The following RNF128 variants were observed in gnomAD, a reference collection of about 807,000 sequenced individuals.
RNF128 encodes E3 ubiquitin-protein ligase RNF128.
A neutral mutation model predicts 26.2 loss-of-function variants in RNF128; 13 were observed. The ratio of observed to expected loss-of-function variants is 0.50; its 90% CI spans 0.32 to 0.79. RNF128 has a LOEUF of 0.79. Among genes scored for constraint, RNF128 ranks in the 30% least tolerant of loss-of-function variants. The probability of loss-of-function intolerance (pLI) is 0.03; values close to 1 mark genes in which losing one functional copy is unlikely to be tolerated. For missense variants in RNF128, 315 were observed against 349.7 expected (o/e 0.90, Z 0.79); for synonymous variants, 149 against 142.5 (o/e 1.05, Z -0.32).
At chrX:106,694,294 G>C in exon 1 of RNF128, 2 of 1,210,196 alleles carry the variant, frequency 1.7e-6, no homozygotes, top group Non-Finnish European at 2.2e-6. Context: ...GATAGAAAGA[G>C]GTAATTGTAC....
Position 106,776,475 on chromosome X carries a change from G to A in RNF128, c.732+3315G>A, listed in dbSNP as rs1187105302. ...CTTCCAAGAGGAGGGAAAAGAATGG[G>A]AATCCACTTGCAAAGGTCATAAAGC... On this transcript the variant is annotated intron_variant, in intron 2 of 6. Transcript: ENST00000255499. Among the ~76,000 whole-genome samples the A allele has an allele frequency of 8.9e-5, 10 of 112,009 alleles. No individual in the cohort carries two copies. In the Admixed American group the frequency reaches 9.5e-4, roughly 11 times the overall value.
intron 1 of RNF128, among the ~76,000 whole-genome samples, chrX:106,759,325 C>T (rs1176010416): frequency 9.0e-6 from 1 of 111,643 alleles, no homozygotes. Flanking sequence ...CCCTTGTACA[C>T]TGTTGGTTGG....
In RNF128 at chrX:106,769,546, GT is replaced by G. The variant is rs752900867; in HGVS notation, c.485-3349del. The stretch of plus-strand genomic sequence containing the variant: ...AGACTAGGATTGCTACACCTGCTTT[GT>G]TTTTTTTTTTTTTTTTTGCTTTCCA... On this transcript the variant is annotated intron_variant, in intron 1 of 6. Transcript: ENST00000255499. Among the ~76,000 whole-genome samples the G allele has an allele frequency of 8.4e-3, 546 of 65,070 alleles. 5 individuals are homozygous for G. Among genetic ancestry groups the G allele is most frequent in the African/African-American group, 0.03 (519 of 17,232 alleles). The allele number at this position is 65,070 out of a possible 115,157, so 56.5% of individuals were successfully genotyped here.
intron 1 of RNF128, among the ~76,000 whole-genome samples, chrX:106,747,833 C>A (rs750522360): frequency 5.4e-5 from 6 of 112,031 alleles, no homozygotes; most frequent in Non-Finnish European, 1.1e-4. Flanking sequence ...ATATACAATT[C>A]ATTTCACTGG....
At chrX:106,705,630 G>A (rs1929030774) in intron 1 of RNF128, among the ~76,000 whole-genome samples, 1 of 112,205 alleles carries the variant, frequency 8.9e-6, no homozygotes, top group African/African-American at 3.2e-5. Flanking sequence ...CTCTAAAAAT[G>A]TCAGCATGGA....
exon 1 of RNF128, chrX:106,694,076 C>A (rs1429199703): frequency 8.3e-7 from 1 of 1,202,825 alleles, no homozygotes; most frequent in Non-Finnish European, 1.1e-6. Flanking sequence ...ATTACAGCAT[C>A]TTTTTCAATG....
At chrX:106,765,852 T>C (rs1203307031) in intron 1 of RNF128, among the ~76,000 whole-genome samples, 2 of 109,881 alleles carry the variant, frequency 1.8e-5, no homozygotes, top group East Asian at 5.7e-4. Context: ...GTTTATCTCC[T>C]AATGCTATCC....
chrX:106,779,001 T>C (rs1169722085), intron 2 of RNF128, among the ~76,000 whole-genome samples: 1 of 111,769 alleles, frequency 8.9e-6, no homozygotes, highest in Non-Finnish European at 1.9e-5. Context: ...TATCTATTTC[T>C]GCCTACATTT....
At chrX:106,702,725 T>A (rs751552070) in intron 1 of RNF128, among the ~76,000 whole-genome samples, 4 of 112,218 alleles carry the variant, frequency 3.6e-5, no homozygotes, top group African/African-American at 1.3e-4. Flanking sequence ...AAAGATTTAC[T>A]TGTTGCACCT....
At chrX:106,694,349 C>T (rs1330146565) in exon 1 of RNF128, 65 of 1,206,056 alleles carry the variant, frequency 5.4e-5, no homozygotes, top group Non-Finnish European at 6.9e-5. Flanking sequence ...AATGCTGATG[C>T]TGTTGTGATT....
intron 1 of RNF128, among the ~76,000 whole-genome samples, chrX:106,761,808 T>A (rs1930124761): frequency 9.1e-6 from 1 of 110,389 alleles, no homozygotes; most frequent in African/African-American, 3.3e-5. Context: ...AAGCTCCAAG[T>A]GAGAGAATAA....
At chrX:106,766,563 T>A (rs1042911514) in intron 1 of RNF128, among the ~76,000 whole-genome samples, 2 of 112,295 alleles carry the variant, frequency 1.8e-5, no homozygotes, top group African/African-American at 6.5e-5. Context: ...ATAGGGTTGT[T>A]TGATTTTTTC....
At chrX:106,762,861 G>A (rs1172387568) in intron 1 of RNF128, among the ~76,000 whole-genome samples, 3 of 109,834 alleles carry the variant, frequency 2.7e-5, no homozygotes, top group Admixed American at 9.8e-5. Flanking sequence ...ACGGACACCG[G>A]GGCCTACTTG....
At chrX:106,781,910 T>C (rs991218187) in intron 2 of RNF128, among the ~76,000 whole-genome samples, 1 of 111,801 alleles carries the variant, frequency 8.9e-6, no homozygotes, top group Non-Finnish European at 1.9e-5. Context: ...TTAATGCAAG[T>C]TCTACTGTTC....
At chrX:106,694,877 TGACTC>T (rs916688523) in intron 1 of RNF128, among the ~76,000 whole-genome samples, 4 of 111,666 alleles carry the variant, frequency 3.6e-5, no homozygotes, top group African/African-American at 9.7e-5. Context: ...AATGAGAACT[TGACTC>T]TACTGTATGC....
intron 1 of RNF128, among the ~76,000 whole-genome samples, chrX:106,738,978 C>T (rs1239408861): frequency 9.0e-6 from 1 of 111,659 alleles, no homozygotes; most frequent in Non-Finnish European, 1.9e-5. Flanking sequence ...CCCTGTTTGA[C>T]TTTGTTCAAT....
intron 1 of RNF128, among the ~76,000 whole-genome samples, chrX:106,715,473 C>T (rs1929197619): frequency 8.9e-6 from 1 of 111,771 alleles, no homozygotes; most frequent in Non-Finnish European, 1.9e-5. Flanking sequence ...GAAAGAAATG[C>T]TGTTCAATGG....
intron 1 of RNF128, among the ~76,000 whole-genome samples, chrX:106,745,749 A>T (rs1929785312): frequency 8.9e-6 from 1 of 111,991 alleles, no homozygotes; most frequent in Non-Finnish European, 1.9e-5. Flanking sequence ...TTCATCTGTG[A>T]CTGAGACCAA....
intron 1 of RNF128, among the ~76,000 whole-genome samples, chrX:106,765,033 A>G (rs1373853488): frequency 8.9e-6 from 1 of 111,877 alleles, no homozygotes; most frequent in Non-Finnish European, 1.9e-5. Context: ...GGAAGAAAAT[A>G]TAACAGAGGG....
Sources: gnomAD v4.1 joint callset for allele counts (sites outside exome capture counted in the v4.1 genomes callset) on GRCh38, gnomAD v4.1.1 for gene constraint, MANE v1.5 for transcripts, NCBI Gene and HGNC (gene_info 2026-07-23, HGNC 2026-07-21) for gene names.